Variants in AUTS2 observed in about 807,000 individuals in gnomAD.
The protein encoded by AUTS2 is autism susceptibility gene 2 protein.
In AUTS2, 17 loss-of-function variants were observed where a neutral mutation model predicts 112.4. That is an observed-to-expected ratio of 0.15 (90% confidence interval 0.10 to 0.23). The LOEUF (loss-of-function observed/expected upper bound fraction) is 0.23, where lower values mean the gene tolerates loss of function less well. Ranked by LOEUF, AUTS2 falls within the 10% of genes least tolerant of loss-of-function variation. AUTS2 has a pLI of 1.00. For synonymous variants in AUTS2, 751 were observed against 702.7 expected (o/e 1.07, Z -1.09); for missense variants, 1,510 against 1,701.6 (o/e 0.89, Z 1.98).
intron 5 of AUTS2, among the ~76,000 whole-genome samples, chr7:70,550,246 C>T (rs1326341452): frequency 1.3e-5 from 2 of 152,150 alleles, no homozygotes; most frequent in African/African-American, 4.8e-5. Context: ...TCCAGTGACG[C>T]CATCCATTTC....
Position 70,766,163 on chromosome 7 carries a change from G to A in AUTS2, c.1518G>A (p.Gln506=), listed in dbSNP as rs756197195. The change falls in exon 9 of 19, where the codon CAG becomes CAA. Residue 506 remains glutamine, a synonymous_variant. Transcript: ENST00000342771. This position sits in a 1 kb window ranked among gnomAD's most constrained non-coding sequence, Gnocchi z 4.8. The part of the protein sequence containing the change: ...QELNTRFLAS[Q]SADRGASLGP... ...TGAACACTCGTTTTTTGGCCTCTCA[G>A]AGTGCTGACCGCGGGGCTTCCCTGG... The A allele has an allele frequency of 5.6e-6, 9 of 1,614,026 alleles. No homozygotes were observed. The Admixed American group carries it at 8.3e-5, about 15-fold the overall frequency.
chr7:70,138,720 A>G lies in AUTS2; in HGVS notation c.660+4149A>G, dbSNP rs1248217193. ...GATTAAAACTGCCGCATTATATAGTAAAGGGGAATTGTGTAGTGGTATACA... is the reference window on the plus strand; with the variant it reads ...GATTAAAACTGCCGCATTATATAGTGAAGGGGAATTGTGTAGTGGTATACA... On this transcript the variant is annotated intron_variant, in intron 4 of 18. Coordinates refer to ENST00000342771, the MANE Select transcript of AUTS2 (RefSeq NM_015570.4). 2.6e-5 allele frequency among the ~76,000 whole-genome samples: 4 copies of G among 152,200 alleles called. No homozygotes were observed. In the East Asian group the frequency reaches 7.7e-4, roughly 29 times the overall value.
rs538614699 is a variant in AUTS2 at position 70,367,580 on chromosome 7, T to A, written c.661-68172T>A. Reference sequence around the variant, plus strand: ...CAAAAAAAAAAAAAATTGTAAAAAATAATAATAATAATAATACTGATTTAT... The same window carrying A: ...CAAAAAAAAAAAAAATTGTAAAAAAAAATAATAATAATAATACTGATTTAT... On this transcript the variant is annotated intron_variant, in intron 4 of 18. Transcript: ENST00000342771. Among the ~76,000 whole-genome samples, 567 of 150,460 alleles carry A rather than the reference T, an allele frequency of 3.8e-3. 5 individuals carry two copies. Among genetic ancestry groups the A allele is most frequent in the African/African-American group, 0.012 (501 of 41,108 alleles).
intron 5 of AUTS2, among the ~76,000 whole-genome samples, chr7:70,604,356 C>T (rs1362261543): frequency 3.3e-5 from 5 of 152,198 alleles, no homozygotes; most frequent in African/African-American, 1.2e-4. Context: ...CCTGGAGATG[C>T]AGAAGGTGGG....
At chr7:70,729,852 TTGTA>T (rs56233310) in intron 6 of AUTS2, among the ~76,000 whole-genome samples, 29,050 of 148,710 alleles carry the variant, frequency 0.2, 2,800 homozygotes, top group Middle Eastern at 0.24. Flanking sequence ...TGTTTGCCCA[TTGTA>T]TGTATGTATG....
intron 5 of AUTS2, among the ~76,000 whole-genome samples, chr7:70,608,149 G>T (rs939337116): frequency 6.6e-6 from 1 of 152,050 alleles, no homozygotes; most frequent in Admixed American, 6.5e-5. Flanking sequence ...TGTTGCCCAG[G>T]ATGGACAGCA....
intron 1 of AUTS2, among the ~76,000 whole-genome samples, chr7:69,698,075 A>G (rs1797632608): frequency 1.3e-5 from 2 of 152,202 alleles, no homozygotes; most frequent in Non-Finnish European, 2.9e-5. Flanking sequence ...TTTGGGTAAA[A>G]TACATCTATG....
At chr7:70,219,005 C>G (rs181955320) in intron 4 of AUTS2, among the ~76,000 whole-genome samples, 1 of 152,056 alleles carries the variant, frequency 6.6e-6, no homozygotes, top group Non-Finnish European at 1.5e-5. Context: ...ATTTGTTCTG[C>G]GTATTATTTT....
At chr7:70,400,924 G>A (rs1794300039) in intron 4 of AUTS2, among the ~76,000 whole-genome samples, 1 of 152,158 alleles carries the variant, frequency 6.6e-6, no homozygotes, top group Admixed American at 6.6e-5. Flanking sequence ...GCTTTAGAAG[G>A]TTAATCTGGC....
chr7:69,726,127 C>A (rs1486736532), intron 1 of AUTS2, among the ~76,000 whole-genome samples: 3 of 152,150 alleles, frequency 2.0e-5, no homozygotes, highest in African/African-American at 7.2e-5. Flanking sequence ...ACCCATGTAG[C>A]ACACTTACCC....
rs1167415615 is a variant in AUTS2, at chr7:70,522,701, A to T, written c.690+86920A>T. On this transcript the variant is annotated intron_variant, in intron 5 of 18. Coordinates refer to ENST00000342771, the MANE Select transcript of AUTS2 (RefSeq NM_015570.4). ...GTACCACATTTTCTTTATCCAGTCC[A>T]CTGTTGATGGGCACCTAGGTTGCTT... Among the ~76,000 whole-genome samples, 3 of 152,100 alleles carry T rather than the reference A, an allele frequency of 2.0e-5. No individual in the cohort carries two copies. In the East Asian group the frequency reaches 5.8e-4, roughly 29 times the overall value.
At chr7:70,049,121 A>G (rs1226979775) in intron 2 of AUTS2, among the ~76,000 whole-genome samples, 2 of 152,148 alleles carry the variant, frequency 1.3e-5, no homozygotes, top group East Asian at 3.9e-4. Context: ...TGGGCTAGTT[A>G]AATAGACGAC....
intron 4 of AUTS2, among the ~76,000 whole-genome samples, chr7:70,281,686 A>G (rs956079316): frequency 2.0e-5 from 3 of 151,978 alleles, no homozygotes; most frequent in Non-Finnish European, 2.9e-5. Flanking sequence ...CTTGTTGTAA[A>G]CATTTAATAT....
chr7:70,235,906 C>A (rs925689775), intron 4 of AUTS2, among the ~76,000 whole-genome samples: 2 of 152,288 alleles, frequency 1.3e-5, no homozygotes, highest in African/African-American at 4.8e-5. Context: ...GGTCCGCCCA[C>A]CTTGGGCTCC....
intron 5 of AUTS2, among the ~76,000 whole-genome samples, chr7:70,471,564 A>G (rs1002195924): frequency 6.6e-6 from 1 of 152,106 alleles, no homozygotes; most frequent in Non-Finnish European, 1.5e-5. Context: ...TGCCTACCCT[A>G]TATTAGGCAC....
chr7:70,119,268 G>A (rs1230435967), intron 3 of AUTS2: 1 of 152,000 alleles, frequency 6.6e-6, no homozygotes, highest in Non-Finnish European at 1.5e-5. Flanking sequence ...GATTGTAGGT[G>A]TGAGCCACCA....
At chr7:69,622,055 A>G (rs1236872030) in intron 1 of AUTS2, among the ~76,000 whole-genome samples, 1 of 152,120 alleles carries the variant, frequency 6.6e-6, no homozygotes, top group Non-Finnish European at 1.5e-5. Context: ...GGTAGAAAGA[A>G]CTGCCTTGAT....
chr7:70,309,646 A>G lies in AUTS2; in HGVS notation c.661-126106A>G, dbSNP rs545868815. ...TAGTAGAAAATCATTATTCTATTGT[A>G]TAGTAAAACCCATGAGTTACATCTA... On this transcript the variant is annotated intron_variant, in intron 4 of 18. Transcript: ENST00000342771. Among the ~76,000 whole-genome samples, 4 of 152,344 alleles carry G rather than the reference A, an allele frequency of 2.6e-5. No individual in the cohort carries two copies. The East Asian group carries it at 5.8e-4, about 22-fold the overall frequency.
chr7:70,544,792 C>T (rs1398949915), intron 5 of AUTS2, among the ~76,000 whole-genome samples: 1 of 152,038 alleles, frequency 6.6e-6, no homozygotes, highest in Non-Finnish European at 1.5e-5. Context: ...TGAATGGCTG[C>T]GGGGTGTGCT....
Sources: gnomAD v4.1 joint callset for allele counts (sites outside exome capture counted in the v4.1 genomes callset) on GRCh38, gnomAD v4.1.1 for gene constraint, Gnocchi (gnomAD v3.1) non-coding constraint, MANE v1.5 for transcripts, NCBI Gene and HGNC (gene_info 2026-07-23, HGNC 2026-07-21) for gene names.